The following MTREX variants were observed in gnomAD, a reference collection of about 807,000 sequenced individuals.
MTREX encodes the protein Mtr4 exosome RNA helicase.
A neutral mutation model predicts 135.4 loss-of-function variants in MTREX; 76 were observed. The ratio of observed to expected loss-of-function variants is 0.56; its 90% CI spans 0.47 to 0.68. The LOEUF is 0.68. Ranked by LOEUF, MTREX falls within the 30% of genes least tolerant of loss-of-function variation. The probability of loss-of-function intolerance (pLI) is 0.00; values close to 1 mark genes in which losing one functional copy is unlikely to be tolerated. For synonymous variants in MTREX, 404 were observed against 401.6 expected (o/e 1.01, Z -0.07); for missense variants, 920 against 1,262.1 (o/e 0.73, Z 4.11).
At chr5:55,406,949 G>A (rs1177169734) in intron 22 of MTREX, among the ~76,000 whole-genome samples, 1 of 152,156 alleles carries the variant, frequency 6.6e-6, no homozygotes, top group East Asian at 1.9e-4. Flanking sequence ...GAGCCAGCTT[G>A]CCTCTGTCCT....
At position 55,378,421 on chromosome 5, in the gene MTREX, A is replaced by T. The variant is rs1194486006; in HGVS notation, c.1918A>T (p.Ile640Phe). 1 of 1,612,622 alleles carries T rather than the reference A, an allele frequency of 6.2e-7. No individual in the cohort carries two copies. The highest frequency in any genetic ancestry group is 1.7e-5 in the Admixed American group (1 of 59,854). ...GCAGCTTGCCAAATTGGGTAAAGAAATTGAAGAATATATTCACAAACCAAA... is the reference window on the plus strand; with the variant it reads ...GCAGCTTGCCAAATTGGGTAAAGAATTTGAAGAATATATTCACAAACCAAA... ...RQQLAKLGKEIEEYIHKPKYC... is the reference protein window; with the variant it reads ...RQQLAKLGKEFEEYIHKPKYC... The change falls in exon 17 of 27, where the codon ATT (isoleucine) becomes TTT (phenylalanine). Residue 640 changes from isoleucine to phenylalanine, a missense_variant. Ile to Phe is a conservative substitution (Grantham distance 21, BLOSUM62 0). Around this residue, in one of 6 missense-constraint regions of MTREX, gnomAD observed 467 missense variants for 589.7 expected, o/e 0.79. Transcript: ENST00000230640.
Position 55,414,762 on chromosome 5 carries a change from G to C in MTREX, c.2808+524G>C, listed in dbSNP as rs147445432. Among the ~76,000 whole-genome samples the C allele has an allele frequency of 6.6e-3, 1,012 of 152,184 alleles. 9 individuals carry two copies. Among genetic ancestry groups the C allele is most frequent in the African/African-American group, 0.024 (979 of 41,512 alleles). ...CCTTCCACGTTCAAATGATTCTCCT[G>C]CCTCAGCCTCCTGAGTAGCTGGGAT... is the stretch of plus-strand genomic sequence containing the variant. On this transcript the variant is annotated intron_variant, in intron 24 of 26. Coordinates refer to ENST00000230640, the MANE Select transcript of MTREX (RefSeq NM_015360.5).
At chr5:55,408,627 G>A (rs1406722209) in intron 22 of MTREX, among the ~76,000 whole-genome samples, 1 of 152,124 alleles carries the variant, frequency 6.6e-6, no homozygotes, top group Non-Finnish European at 1.5e-5. Context: ...ATACAGTACA[G>A]TTATTGTATG....
chr5:55,365,758 G>A (rs1476261466), intron 15 of MTREX, among the ~76,000 whole-genome samples: 1 of 152,164 alleles, frequency 6.6e-6, no homozygotes, highest in East Asian at 1.9e-4. Flanking sequence ...CATTTTGGGA[G>A]ACTGAGGTGG....
At chr5:55,385,324 CA>C (rs1412572202) in intron 18 of MTREX, among the ~76,000 whole-genome samples, 1 of 152,116 alleles carries the variant, frequency 6.6e-6, no homozygotes, top group Non-Finnish European at 1.5e-5. Context: ...TCAGGAGCAC[CA>C]CACCAAGATA....
intron 18 of MTREX, among the ~76,000 whole-genome samples, chr5:55,381,562 T>C (rs183094399): frequency 2.0e-3 from 299 of 152,352 alleles, no homozygotes; most frequent in African/African-American, 5.0e-3. Flanking sequence ...CTTGTTAATT[T>C]CCCAAATTTT....
chr5:55,353,626 C>G (rs991246177), intron 14 of MTREX, among the ~76,000 whole-genome samples: 10 of 152,166 alleles, frequency 6.6e-5, no homozygotes, highest in African/African-American at 1.9e-4. Flanking sequence ...TCACTTGAGC[C>G]CAGGAGGTCA....
intron 23 of MTREX, among the ~76,000 whole-genome samples, chr5:55,412,765 G>C (rs1750903175): frequency 6.6e-6 from 1 of 152,178 alleles, no homozygotes; most frequent in African/African-American, 2.4e-5. Flanking sequence ...GTGAATAGCA[G>C]AGAGGAATGT....
chr5:55,352,753 A>G (rs573397009), intron 13 of MTREX, among the ~76,000 whole-genome samples: 1 of 152,332 alleles, frequency 6.6e-6, no homozygotes, highest in African/African-American at 2.4e-5. Context: ...GAAGTGAATT[A>G]CAGAGTCAGT....
At chr5:55,400,569 T>C in intron 21 of MTREX, 148 bp downstream of exon 21, 1 of 527,342 alleles carries the variant, frequency 1.9e-6, no homozygotes, top group Non-Finnish European at 3.4e-6. Flanking sequence ...TCTGAACCTG[T>C]CAGCTCTCAT....
intron 19 of MTREX, among the ~76,000 whole-genome samples, chr5:55,392,706 T>A (rs567576367): frequency 3.1e-4 from 47 of 152,302 alleles, no homozygotes; most frequent in African/African-American, 1.1e-3. Flanking sequence ...TAGAGTCTTT[T>A]CAGGTCTTTC....
chr5:55,368,602 C>T (rs1441115604), intron 16 of MTREX, among the ~76,000 whole-genome samples: 1 of 152,050 alleles, frequency 6.6e-6, no homozygotes, highest in Non-Finnish European at 1.5e-5. Flanking sequence ...TCTTATTTTA[C>T]TTTATTTTAG....
chr5:55,309,588 T>G (rs1749074518), intron 1 of MTREX, among the ~76,000 whole-genome samples: 1 of 151,980 alleles, frequency 6.6e-6, no homozygotes, highest in South Asian at 2.1e-4. Context: ...CATGTCAGGG[T>G]GAAAAAAACA....
chr5:55,383,470 T>G (rs1196728874), intron 18 of MTREX, among the ~76,000 whole-genome samples: 1 of 152,198 alleles, frequency 6.6e-6, no homozygotes, highest in Non-Finnish European at 1.5e-5. Flanking sequence ...GTTGTTTGTT[T>G]TTTTCTTTGA....
intron 16 of MTREX, among the ~76,000 whole-genome samples, chr5:55,371,371 A>C (rs949196275): frequency 6.6e-6 from 1 of 152,166 alleles, no homozygotes; most frequent in African/African-American, 2.4e-5. Flanking sequence ...AGGCTTATCT[A>C]TTGTATACAC....
chr5:55,372,153 C>T (rs989123978), intron 16 of MTREX, among the ~76,000 whole-genome samples: 10 of 152,090 alleles, frequency 6.6e-5, no homozygotes, highest in African/African-American at 2.2e-4. Flanking sequence ...TCTCCATTTT[C>T]GTGTAACTCT....
At chr5:55,407,014 T>C (rs1750818587) in intron 22 of MTREX, among the ~76,000 whole-genome samples, 1 of 152,222 alleles carries the variant, frequency 6.6e-6, no homozygotes, top group Admixed American at 6.5e-5. Context: ...TCTGAAGATA[T>C]ATCTTGTTTT....
Position 55,345,090 on chromosome 5 carries a change from C to G in MTREX, c.1006-4C>G. The G allele has an allele frequency of 6.2e-7, 1 of 1,601,360 alleles. No homozygotes were observed. Among genetic ancestry groups the G allele is most frequent in the South Asian group, 1.1e-5 (1 of 89,450 alleles). ...AGTTACACAGAAAAAATTTGTGATT[C>G]CAGGGTGACTTCAGAGAAGATAATT... On this transcript the variant is annotated splice_polypyrimidine_tract_variant and splice_region_variant and intron_variant, in intron 9 of 26. Transcript: ENST00000230640.
chr5:55,328,609 T>G, intron 4 of MTREX, 90 bp from the exon 5 acceptor site: 1 of 800,646 alleles, frequency 1.2e-6, no homozygotes, highest in Non-Finnish European at 2.1e-6. Flanking sequence ...CCAGAATGCT[T>G]TGGGGGGTAG....
Sources: gnomAD v4.1 joint callset for allele counts (sites outside exome capture counted in the v4.1 genomes callset) on GRCh38, gnomAD v4.1.1 for gene constraint, gnomAD v4.1.1 regional missense constraint, MANE v1.5 for transcripts, NCBI Gene and HGNC (gene_info 2026-07-23, HGNC 2026-07-21) for gene names.